Variants in GLIS3 observed in about 807,000 individuals in gnomAD.
GLIS3 encodes GLIS family zinc finger 3.
Under a neutral mutation model 78.6 loss-of-function variants are expected in GLIS3, and 53 were observed. The ratio of observed to expected loss-of-function variants is 0.67; its 90% CI spans 0.54 to 0.85. GLIS3 has a LOEUF of 0.85. GLIS3 is among the 40% of genes least tolerant of loss of function. GLIS3 has a pLI of 0.00. For missense variants in GLIS3, 1,703 were observed against 1,231.1 expected (o/e 1.38, Z -5.74); for synonymous variants, 684 against 509.9 (o/e 1.34, Z -4.60).
the GLIS3 span, among the ~76,000 whole-genome samples, chr9:4,422,282 G>A: frequency 3.9e-5 from 6 of 152,254 alleles, no homozygotes; most frequent in African/African-American, 1.4e-4. Flanking sequence ...GAGTCCATAG[G>A]CCTCATCAGA....
the GLIS3 span, among the ~76,000 whole-genome samples, chr9:4,354,348 A>C: frequency 6.6e-6 from 1 of 152,160 alleles, no homozygotes; most frequent in Non-Finnish European, 1.5e-5. Context: ...TCTTCATGCC[A>C]TATGGATGAG....
chr9:4,173,458 T>C (rs936603922), intron 2 of GLIS3, among the ~76,000 whole-genome samples: 12 of 152,064 alleles, frequency 7.9e-5, no homozygotes, highest in Admixed American at 3.3e-4. Context: ...CTTGGAACAA[T>C]GTGGGGCATA....
chr9:3,931,637 C>T (rs772674408), intron 6 of GLIS3, among the ~76,000 whole-genome samples: 3 of 152,198 alleles, frequency 2.0e-5, no homozygotes, highest in Non-Finnish European at 2.9e-5. Context: ...CTCTCTGTCT[C>T]TGGAGGGGTT....
At chr9:4,014,398 G>A (rs1268519176) in intron 4 of GLIS3, among the ~76,000 whole-genome samples, 1 of 152,166 alleles carries the variant, frequency 6.6e-6, no homozygotes, top group Non-Finnish European at 1.5e-5. Flanking sequence ...CTCTGCAGAT[G>A]TAATCAGTTA....
At chr9:4,088,537 T>C in intron 4 of GLIS3, among the ~76,000 whole-genome samples, 1 of 152,202 alleles carries the variant, frequency 6.6e-6, no homozygotes, top group East Asian at 1.9e-4. Flanking sequence ...CTTTGAAAGA[T>C]TACAAGTCAA....
At chr9:3,907,069 A>G (rs1354390859) in intron 6 of GLIS3, among the ~76,000 whole-genome samples, 1 of 149,344 alleles carries the variant, frequency 6.7e-6, no homozygotes, top group African/African-American at 2.5e-5. Context: ...CACTTTCAAC[A>G]CTCCCCTGAC....
chr9:4,163,109 G>C (rs1182626376), intron 2 of GLIS3, among the ~76,000 whole-genome samples: 1 of 152,144 alleles, frequency 6.6e-6, no homozygotes, highest in African/African-American at 2.4e-5. Context: ...AGAAAATAAA[G>C]AAACTCAAGT....
chr9:4,439,683 T>C, the GLIS3 span, among the ~76,000 whole-genome samples: 1 of 152,212 alleles, frequency 6.6e-6, no homozygotes, highest in Non-Finnish European at 1.5e-5. Flanking sequence ...TTGGTTTTTG[T>C]TCTTTTTGAG....
chr9:4,295,506 G>C (rs146818506), intron 1 of GLIS3, among the ~76,000 whole-genome samples: 191 of 152,278 alleles, frequency 1.3e-3, no homozygotes, highest in African/African-American at 4.3e-3. Flanking sequence ...TTGAGCGAAA[G>C]AAGCCAGACC....
intron 2 of GLIS3, among the ~76,000 whole-genome samples, chr9:4,192,343 A>C (rs905676415): frequency 6.6e-6 from 1 of 152,206 alleles, no homozygotes; most frequent in Non-Finnish European, 1.5e-5. Context: ...GTTATTTTCT[A>C]ATTTTATTTC....
chr9:4,084,226 G>C (rs923170491), intron 4 of GLIS3, among the ~76,000 whole-genome samples: 1 of 147,052 alleles, frequency 6.8e-6, no homozygotes, highest in African/African-American at 2.5e-5. Flanking sequence ...CCAGCAATGT[G>C]TAATCTCTCT....
intron 4 of GLIS3, among the ~76,000 whole-genome samples, chr9:4,076,706 C>T (rs1204905061): frequency 6.6e-6 from 1 of 151,980 alleles, no homozygotes; most frequent in African/African-American, 2.4e-5. Context: ...TCTGTGATGC[C>T]ACTTCATAGC....
At chr9:4,152,343 C>G (rs560972398) in intron 2 of GLIS3, among the ~76,000 whole-genome samples, 1 of 152,244 alleles carries the variant, frequency 6.6e-6, no homozygotes, top group South Asian at 2.1e-4. Flanking sequence ...AGAAAAATCC[C>G]TAAGGACATT....
chr9:4,162,173 T>TC (rs1835532624), intron 2 of GLIS3, among the ~76,000 whole-genome samples: 1 of 152,186 alleles, frequency 6.6e-6, no homozygotes, highest in Non-Finnish European at 1.5e-5. Context: ...CCTGTATGTC[T>TC]TCTGTGTTCA....
At chr9:4,442,476 C>G in the GLIS3 span, among the ~76,000 whole-genome samples, 25,254 of 152,054 alleles carry the variant, frequency 0.17, 2,544 homozygotes, top group South Asian at 0.22. Flanking sequence ...CCTGAGTATT[C>G]CAGAACTTGG....
Position 4,156,965 on chromosome 9 carries a change from T to G in GLIS3, c.389-31024A>C, listed in dbSNP as rs570197982. ...CTCCATATCTACCGAATCAGAAACC[T>G]GGGGGTAGGGTCAACCCATTGGCAT... On this transcript the variant is annotated intron_variant, in intron 2 of 10. Transcript: ENST00000381971. Among the ~76,000 whole-genome samples the G allele has an allele frequency of 1.3e-4, 20 of 152,256 alleles. 1 individual carries two copies. The highest frequency in any genetic ancestry group is 4.6e-4 in the African/African-American group (19 of 41,550).
chr9:4,075,707 C>G (rs12353153), intron 4 of GLIS3, among the ~76,000 whole-genome samples: 3,306 of 151,988 alleles, frequency 0.022, 123 homozygotes, highest in African/African-American at 0.075. Flanking sequence ...AGAAACAACC[C>G]AAGTGCCCAC....
At chr9:4,211,548 G>A (rs1820375463) in intron 2 of GLIS3, among the ~76,000 whole-genome samples, 1 of 152,238 alleles carries the variant, frequency 6.6e-6, no homozygotes, top group Non-Finnish European at 1.5e-5. Context: ...AGCCCTGAAG[G>A]CTAAGGGCTG....
chr9:3,904,094 A>C (rs183567185), intron 6 of GLIS3, among the ~76,000 whole-genome samples: 1 of 152,324 alleles, frequency 6.6e-6, no homozygotes, highest in East Asian at 1.9e-4. Context: ...TTGAGAGCCC[A>C]TATGAGCTGT....
Sources: gnomAD v4.1 joint callset for allele counts (sites outside exome capture counted in the v4.1 genomes callset) on GRCh38, gnomAD v4.1.1 for gene constraint, MANE v1.5 for transcripts, NCBI Gene and HGNC (gene_info 2026-07-23, HGNC 2026-07-21) for gene names.